Variants in SLC9B2 observed in about 807,000 individuals in gnomAD.
The protein encoded by SLC9B2 is solute carrier family 9 member B2.
A neutral mutation model predicts 52.2 loss-of-function variants in SLC9B2; 39 were observed. That is an observed-to-expected ratio of 0.75 (90% CI 0.58 to 0.98). The LOEUF (loss-of-function observed/expected upper bound fraction) is 0.98, where lower values mean the gene tolerates loss of function less well. Among genes scored for constraint, SLC9B2 ranks in the 50% least tolerant of loss-of-function variants. The probability of loss-of-function intolerance (pLI) is 0.00; values close to 1 mark genes in which losing one functional copy is unlikely to be tolerated. For synonymous variants in SLC9B2, 214 were observed against 227.0 expected (o/e 0.94, Z 0.51); for missense variants, 626 against 637.5 (o/e 0.98, Z 0.19).
At chr4:103,070,864 A>C (rs983467846) in intron 1 of SLC9B2, among the ~76,000 whole-genome samples, 1 of 152,246 alleles carries the variant, frequency 6.6e-6, no homozygotes. Flanking sequence ...GAGCAGCATT[A>C]GTGACTGATG....
intron 7 of SLC9B2, among the ~76,000 whole-genome samples, 193 bp from the exon 8 acceptor site, chr4:103,045,189 A>G (rs531657959): frequency 6.6e-6 from 1 of 152,284 alleles, no homozygotes; most frequent in South Asian, 2.1e-4. Flanking sequence ...GGAAACTTTA[A>G]TTAAAAAAAA....
chr4:103,071,386 T>G (rs1276609765), intron 1 of SLC9B2, among the ~76,000 whole-genome samples: 1 of 149,944 alleles, frequency 6.7e-6, no homozygotes, highest in Non-Finnish European at 1.5e-5. Flanking sequence ...GTATTTTTTT[T>G]TTTTTTTTTT....
At chr4:103,067,267 A>C (rs1458932423) in intron 2 of SLC9B2, among the ~76,000 whole-genome samples, 194 bp downstream of exon 2, 1 of 152,206 alleles carries the variant, frequency 6.6e-6, no homozygotes, top group East Asian at 1.9e-4. Flanking sequence ...CATTCTAGAG[A>C]TTAGGTCAGA....
intron 3 of SLC9B2, among the ~76,000 whole-genome samples, chr4:103,059,293 G>T (rs1489021331): frequency 6.6e-6 from 1 of 152,064 alleles, no homozygotes; most frequent in African/African-American, 2.4e-5. Flanking sequence ...CTTAAACCTG[G>T]CCTCCCATTT....
chr4:103,033,449 A>G (rs772155299), intron 9 of SLC9B2, among the ~76,000 whole-genome samples: 4 of 152,178 alleles, frequency 2.6e-5, no homozygotes, highest in Non-Finnish European at 5.9e-5. Context: ...AAGAGAAAGA[A>G]AGAAAAGGCA....
intron 10 of SLC9B2, among the ~76,000 whole-genome samples, chr4:103,029,590 G>A (rs1045289396): frequency 2.6e-5 from 4 of 152,104 alleles, no homozygotes; most frequent in Non-Finnish European, 5.9e-5. Context: ...AACATACACA[G>A]CTACTCCATT....
intron 3 of SLC9B2, among the ~76,000 whole-genome samples, chr4:103,059,460 C>T (rs539466782): frequency 7.6e-4 from 116 of 152,272 alleles, no homozygotes; most frequent in South Asian, 2.1e-3. Context: ...TACTCTCAGC[C>T]GCTTCATCCA....
chr4:103,076,318 G>A lies in SLC9B2; in HGVS notation c.-177C>T, dbSNP rs1747151802. The A allele has an allele frequency of 6.6e-6, 1 of 152,378 alleles. No homozygotes were observed. Among genetic ancestry groups the A allele is most frequent in the African/African-American group, 2.4e-5 (1 of 41,478 alleles). 9.4% of individuals were successfully genotyped at this position (152,378 alleles called of 1,614,324 possible). ...CGCGCATCTTCCCAGGCTGAGCCGG[G>A]AGGCTGCGTTGACTGCAGATAAACG... is the stretch of plus-strand genomic sequence containing the variant. On this transcript the variant is annotated 5_prime_UTR_variant, in exon 1 of 12. Transcript: ENST00000394785.
At chr4:103,058,322 T>A (rs966175980) in intron 3 of SLC9B2, among the ~76,000 whole-genome samples, 7 of 152,266 alleles carry the variant, frequency 4.6e-5, no homozygotes, top group African/African-American at 1.2e-4. Context: ...TTACTTTTTT[T>A]ATAGTCAATA....
At chr4:103,062,995 G>A (rs1046636875) in intron 3 of SLC9B2, among the ~76,000 whole-genome samples, 1 of 152,196 alleles carries the variant, frequency 6.6e-6, no homozygotes, top group African/African-American at 2.4e-5. Context: ...CTCTGGAACA[G>A]AAGAACAGAA....
At chr4:103,055,882 C>A (rs1336791677) in intron 4 of SLC9B2, among the ~76,000 whole-genome samples, 2 of 150,630 alleles carry the variant, frequency 1.3e-5, no homozygotes, top group African/African-American at 4.9e-5. Context: ...CGGCTCACTG[C>A]ATGCTCCACC....
intron 9 of SLC9B2, among the ~76,000 whole-genome samples, chr4:103,035,264 T>C (rs181334234): frequency 1.5e-3 from 224 of 152,326 alleles, no homozygotes; most frequent in Admixed American, 3.3e-3. Flanking sequence ...GTTAGTTTGC[T>C]AAGGATAATG....
chr4:103,026,210 A>G lies in SLC9B2; in HGVS notation c.*160T>C. The G allele has an allele frequency of 1.6e-6, 1 of 623,012 alleles. No homozygotes were observed. Among genetic ancestry groups the G allele is most frequent in the Non-Finnish European group, 2.7e-6 (1 of 366,252 alleles). 38.6% of individuals were successfully genotyped at this position (623,012 alleles called of 1,614,324 possible). ...AAGGTTGGTGATATAGATCATTACC[A>G]CCCACATGGAAAGAGCAAGGGCTAA... On this transcript the variant is annotated 3_prime_UTR_variant, in exon 12 of 12. Transcript: ENST00000394785.
rs549368693 is a variant in SLC9B2 at position 103,076,732 on chromosome 4, C to G, written c.-591G>C. ...TCCCGGAAAGCTTACCCAGAGAGCGCGGACCCAGGCGCCGAGTCTTCCCGG... is the reference window on the plus strand; with the variant it reads ...TCCCGGAAAGCTTACCCAGAGAGCGGGGACCCAGGCGCCGAGTCTTCCCGG... On this transcript the variant is annotated 5_prime_UTR_variant, in exon 1 of 12. Coordinates refer to ENST00000394785, the MANE Select transcript of SLC9B2 (RefSeq NM_178833.7). 11 of 152,318 alleles carry G rather than the reference C, an allele frequency of 7.2e-5. No homozygotes were observed. The highest frequency in any genetic ancestry group is 2.9e-5 in the Non-Finnish European group (2 of 68,098). 9.4% of individuals were successfully genotyped at this position (152,318 alleles called of 1,614,324 possible).
intron 9 of SLC9B2, 61 bp downstream of exon 9, chr4:103,043,235 A>G (rs1743785969): frequency 6.8e-7 from 1 of 1,479,528 alleles, no homozygotes; most frequent in South Asian, 1.5e-5. Flanking sequence ...AAGTATCTGG[A>G]AAGCCAACTT....
chr4:103,059,073 A>G (rs959730760), intron 3 of SLC9B2, among the ~76,000 whole-genome samples: 6 of 152,164 alleles, frequency 3.9e-5, no homozygotes, highest in African/African-American at 1.4e-4. Context: ...CCAAAAAAAA[A>G]GTGAAATGTT....
intron 9 of SLC9B2, among the ~76,000 whole-genome samples, chr4:103,042,697 C>A (rs1183618294): frequency 6.6e-6 from 1 of 151,470 alleles, no homozygotes; most frequent in Non-Finnish European, 1.5e-5. Flanking sequence ...TAAATTGGTA[C>A]AGTCTTTTAA....
At chr4:103,061,501 G>A (rs923928515) in intron 3 of SLC9B2, among the ~76,000 whole-genome samples, 11 of 152,104 alleles carry the variant, frequency 7.2e-5, no homozygotes, top group Non-Finnish European at 1.6e-4. Flanking sequence ...ACACACCGGG[G>A]CCTGTTGTGG....
At position 103,067,406 on chromosome 4, in the gene SLC9B2, G is replaced by GT. The variant is rs1578481806; in HGVS notation, c.90+54dup. 2.0e-6 allele frequency: 3 copies of GT among 1,495,808 alleles called. No individual in the cohort carries two copies. In the East Asian group the frequency reaches 6.8e-5, roughly 34 times the overall value. 92.7% of individuals were successfully genotyped at this position (1,495,808 alleles called of 1,614,324 possible). A position where few individuals can be genotyped will look rare whatever the true frequency, so the allele number is the denominator to read the frequency against. On this transcript the variant is annotated intron_variant, in intron 2 of 11. Transcript: ENST00000394785. ...TGTAAGTTTGGGGATAGGAGAATTG[G>GT]TAAATGAGTGGTAGAATATGAAGAA...
Sources: allele counts gnomAD v4.1 joint callset (sites outside exome capture counted in the v4.1 genomes callset), GRCh38; gene constraint gnomAD v4.1.1; transcripts MANE v1.5; gene names NCBI Gene and HGNC (gene_info 2026-07-23, HGNC 2026-07-21).